IGF1R: variants seen among roughly 807,000 people sequenced by gnomAD.
IGF1R encodes the protein insulin-like growth factor 1 receptor.
Under a neutral mutation model 144.6 loss-of-function variants are expected in IGF1R, and 44 were observed. That is an observed-to-expected ratio of 0.30 (90% CI 0.24 to 0.39). The LOEUF (loss-of-function observed/expected upper bound fraction) is 0.39, where lower values mean the gene tolerates loss of function less well. IGF1R is among the 10% of genes least tolerant of loss of function. IGF1R has a pLI of 1.00. For synonymous variants in IGF1R, 795 were observed against 722.8 expected (o/e 1.10, Z -1.60); for missense variants, 1,355 against 1,833.7 (o/e 0.74, Z 4.77).
chr15:98,946,759 C>G (rs1000529438), intron 19 of IGF1R, among the ~76,000 whole-genome samples: 1 of 151,892 alleles, frequency 6.6e-6, no homozygotes, highest in Admixed American at 6.5e-5. Context: ...GCAGTTGGGC[C>G]GGGAGGGCCA....
intron 1 of IGF1R, among the ~76,000 whole-genome samples, chr15:98,684,039 G>A (rs1028678787): frequency 6.6e-6 from 1 of 152,094 alleles, no homozygotes; most frequent in African/African-American, 2.4e-5. Context: ...CCATGTGCCC[G>A]TGCTCAGCCT....
chr15:98,768,918 AT>A (rs2055510379), intron 2 of IGF1R, among the ~76,000 whole-genome samples: 1 of 97,764 alleles, frequency 1.0e-5, no homozygotes, highest in Non-Finnish European at 2.2e-5. Flanking sequence ...ACAGAGTGAG[AT>A]TCCGTCTCAA....
intron 1 of IGF1R, among the ~76,000 whole-genome samples, chr15:98,651,544 C>T (rs956084733): frequency 1.3e-5 from 2 of 152,204 alleles, no homozygotes; most frequent in Non-Finnish European, 2.9e-5. Context: ...TGTATAGCTT[C>T]TCTAGTTTTG....
At position 98,960,692 on chromosome 15, in the gene IGF1R, G is replaced by A. The variant is rs147991406; in HGVS notation, c.*3250G>A. The A allele has an allele frequency of 1.9e-3, 444 of 233,428 alleles. 5 individuals carry two copies. Among genetic ancestry groups the A allele is most frequent in the African/African-American group, 9.0e-3 (411 of 45,480 alleles). The allele number at this position is 233,428 out of a possible 1,614,324, so 14.5% of individuals were successfully genotyped here. On this transcript the variant is annotated 3_prime_UTR_variant, in exon 21 of 21. Transcript: ENST00000650285. ...AAAGGTGCAGCTGCAGCAGCAGCTG[G>A]AGAGCAAGAGTCACCCAGCCTGTGC...
intron 2 of IGF1R, among the ~76,000 whole-genome samples, chr15:98,879,747 T>C (rs2013272617): frequency 6.6e-6 from 1 of 152,102 alleles, no homozygotes; most frequent in Non-Finnish European, 1.5e-5. Context: ...AGGGCTAATC[T>C]TCCCGTGATA....
intron 3 of IGF1R, among the ~76,000 whole-genome samples, chr15:98,894,672 G>A (rs2014090592): frequency 6.6e-6 from 1 of 152,222 alleles, no homozygotes; most frequent in Admixed American, 6.5e-5. Context: ...GGGAGGCTGA[G>A]GTGGGTGGAT....
intron 2 of IGF1R, among the ~76,000 whole-genome samples, chr15:98,749,805 G>A (rs1188379353): frequency 6.6e-6 from 1 of 151,948 alleles, no homozygotes; most frequent in African/African-American, 2.4e-5. Context: ...TCATTTTTCT[G>A]GTTAGACTAC....
At chr15:98,780,442 A>C (rs1402052310) in intron 2 of IGF1R, among the ~76,000 whole-genome samples, 1 of 150,696 alleles carries the variant, frequency 6.6e-6, no homozygotes, top group Non-Finnish European at 1.5e-5. Context: ...CCAGCTACTC[A>C]GGAGGCTGAG....
intron 2 of IGF1R, among the ~76,000 whole-genome samples, chr15:98,729,909 C>T (rs535414612): frequency 6.6e-6 from 1 of 152,314 alleles, no homozygotes; most frequent in Non-Finnish European, 1.5e-5. Flanking sequence ...GCACAGTTCT[C>T]ACTTGTAACA....
At position 98,831,887 on chromosome 15, in the gene IGF1R, T is replaced by G. The variant is rs149479625; in HGVS notation, c.641-59438T>G. ...GAGCTGGTGGATGGCAGGGTGCAATTGCAGGCCGTAGTGTTCCTCTTTGGG... is the reference window on the plus strand; with the variant it reads ...GAGCTGGTGGATGGCAGGGTGCAATGGCAGGCCGTAGTGTTCCTCTTTGGG... On this transcript the variant is annotated intron_variant, in intron 2 of 20. Coordinates refer to ENST00000650285, the MANE Select transcript of IGF1R (RefSeq NM_000875.5). 2.8e-3 allele frequency among the ~76,000 whole-genome samples: 421 copies of G among 152,166 alleles called. 4 individuals are homozygous for G. The highest frequency in any genetic ancestry group is 7.7e-3 in the African/African-American group (319 of 41,508).
intron 2 of IGF1R, among the ~76,000 whole-genome samples, chr15:98,887,102 A>T (rs770964686): frequency 2.6e-5 from 4 of 152,144 alleles, no homozygotes; most frequent in Non-Finnish European, 5.9e-5. Context: ...GTTGCTCTGT[A>T]TATAAAGAAA....
chr15:98,656,363 A>C (rs1185234055), intron 1 of IGF1R, among the ~76,000 whole-genome samples: 1 of 152,196 alleles, frequency 6.6e-6, no homozygotes, highest in Non-Finnish European at 1.5e-5. Context: ...CAGCCTGGCC[A>C]ACATGGTGCA....
chr15:98,878,688 A>C (rs1189517165), intron 2 of IGF1R, among the ~76,000 whole-genome samples: 1 of 139,416 alleles, frequency 7.2e-6, no homozygotes, highest in Non-Finnish European at 1.5e-5. Context: ...AAAAAAAAAA[A>C]AAAAAAACAA....
intron 2 of IGF1R, among the ~76,000 whole-genome samples, chr15:98,785,423 T>C (rs1213346954): frequency 6.6e-6 from 1 of 152,208 alleles, no homozygotes; most frequent in Non-Finnish European, 1.5e-5. Context: ...TGTCAAGTAA[T>C]AGAATCTCTA....
chr15:98,952,837 GC>G (rs1295615535), intron 20 of IGF1R: 2 of 152,168 alleles, frequency 1.3e-5, no homozygotes, highest in Non-Finnish European at 2.9e-5. Flanking sequence ...TTTCTGCTTT[GC>G]CATCGAGAAT....
At chr15:98,745,732 T>C (rs1315129288) in intron 2 of IGF1R, among the ~76,000 whole-genome samples, 2 of 151,292 alleles carry the variant, frequency 1.3e-5, no homozygotes, top group Non-Finnish European at 3.0e-5. Flanking sequence ...GGCTTAAAGC[T>C]GCCCTGAAAT....
intron 2 of IGF1R, among the ~76,000 whole-genome samples, chr15:98,712,741 C>G (rs1219547865): frequency 1.3e-5 from 2 of 151,754 alleles, no homozygotes; most frequent in Non-Finnish European, 2.9e-5. Flanking sequence ...TCCTGAGTAG[C>G]TGGGATTACA....
rs917857106 is a variant in IGF1R at position 98,960,918 on chromosome 15, G to A, written c.*3476G>A. On this transcript the variant is annotated 3_prime_UTR_variant, in exon 21 of 21. Coordinates refer to ENST00000650285, the MANE Select transcript of IGF1R (RefSeq NM_000875.5). ...TCGTGGCGTCACGCCCCCCCCGCCAGGGCTGTACCTCCGTCTCCCTGGTCC... is the reference window on the plus strand; with the variant it reads ...TCGTGGCGTCACGCCCCCCCCGCCAAGGCTGTACCTCCGTCTCCCTGGTCC... 5.1e-5 allele frequency: 12 copies of A among 233,824 alleles called. No individual in the cohort carries two copies. Among genetic ancestry groups the A allele is most frequent in the Non-Finnish European group, 1.0e-4 (12 of 118,338 alleles). The allele number at this position is 233,824 out of a possible 1,614,324, so 14.5% of individuals were successfully genotyped here. A position where few individuals can be genotyped will look rare whatever the true frequency, so the allele number is the denominator to read the frequency against.
intron 2 of IGF1R, among the ~76,000 whole-genome samples, chr15:98,721,795 A>G (rs981483401): frequency 2.0e-5 from 3 of 152,184 alleles, no homozygotes; most frequent in African/African-American, 7.2e-5. Context: ...ATAACAGTAG[A>G]GTGTGAGAGT....
Sources: allele counts gnomAD v4.1 joint callset (sites outside exome capture counted in the v4.1 genomes callset), GRCh38; gene constraint gnomAD v4.1.1; transcripts MANE v1.5; gene names NCBI Gene and HGNC (gene_info 2026-07-23, HGNC 2026-07-21).